The following TOR3A variants were observed in gnomAD, a reference collection of about 807,000 sequenced individuals.
TOR3A encodes the protein torsin-3A.
In TOR3A, 44 loss-of-function variants were observed where a neutral mutation model predicts 42.1. That is an observed-to-expected ratio of 1.04 (90% CI 0.82 to 1.34). TOR3A has a LOEUF of 1.34. TOR3A is among the 40% of genes most tolerant of loss of function. The pLI is 0.00. For synonymous variants in TOR3A, 227 were observed against 213.2 expected, an observed-to-expected ratio of 1.06 and a Z score of -0.57; for missense variants, 521 against 507.6, an observed-to-expected ratio of 1.03 and a Z score of -0.25.
chr1:179,087,865 T>A (rs777226296), intron 3 of TOR3A, 46 bp from the exon 4 acceptor site: 3 of 1,498,770 alleles, frequency 2.0e-6, no homozygotes, highest in Non-Finnish European at 2.7e-6. Context: ...AGGCCGGAGG[T>A]GGAAGGAGTC....
intron 3 of TOR3A, among the ~76,000 whole-genome samples, chr1:179,087,164 A>C (rs2102543232): frequency 6.6e-6 from 1 of 152,348 alleles, no homozygotes; most frequent in African/African-American, 2.4e-5. Context: ...GCTGGCCCTG[A>C]ATAATATATT....
chr1:179,082,598 C>G lies in TOR3A; in HGVS notation c.259+211C>G, dbSNP rs78417185. ...CCCACCCGCGTCCCCTGCGCACCCC[C>G]CTGGCGCCCGGCTTCCCGTCCCCCG... On this transcript the variant is annotated intron_variant, in intron 1 of 5. Coordinates refer to ENST00000367627, the MANE Select transcript of TOR3A (RefSeq NM_022371.4). 40 of 775,612 alleles carry G rather than the reference C, an allele frequency of 5.2e-5. No homozygotes were observed. The East Asian group carries it at 8.6e-4, about 17-fold the overall frequency. The allele number at this position is 775,612 out of a possible 1,614,324, so 48.0% of individuals were successfully genotyped here.
intron 4 of TOR3A, among the ~76,000 whole-genome samples, chr1:179,092,226 C>T (rs1016415532): frequency 2.6e-5 from 4 of 152,194 alleles, no homozygotes; most frequent in African/African-American, 7.2e-5. Context: ...CCCCTCATTT[C>T]CCAGCAGCCC....
chr1:179,082,905 G>C (rs1652332404), intron 1 of TOR3A, 35 bp from the exon 2 acceptor site: 1 of 1,420,328 alleles, frequency 7.0e-7, no homozygotes, highest in Non-Finnish European at 9.7e-7. Context: ...GCACCGGATG[G>C]TCTCCTCTCG....
At position 179,082,335 on chromosome 1, in the gene TOR3A, G is replaced by C. The variant is rs774777332; in HGVS notation, c.207G>C (p.Gln69His). ...SKRYWTLFSCQVWPDDCDEDE... is the reference protein window; with the variant it reads ...SKRYWTLFSCHVWPDDCDEDE... Reference sequence around the variant, plus strand: ...GGTACTGGACGCTCTTCAGCTGCCAGGTGTGGCCCGACGACTGTGACGAGG... The same window carrying C: ...GGTACTGGACGCTCTTCAGCTGCCACGTGTGGCCCGACGACTGTGACGAGG... The change falls in exon 1 of 6, where the codon CAG (glutamine) becomes CAC (histidine). Residue 69 changes from glutamine to histidine, a missense_variant. Physicochemically the swap from Gln to His is conservative, Grantham distance 24 (BLOSUM62 0). Coordinates refer to ENST00000367627, the MANE Select transcript of TOR3A (RefSeq NM_022371.4). 2.5e-6 allele frequency: 4 copies of C among 1,605,608 alleles called. No homozygotes were observed. In the African/African-American group the frequency reaches 4.1e-5, roughly 16 times the overall value.
intron 3 of TOR3A, among the ~76,000 whole-genome samples, 193 bp downstream of exon 3, chr1:179,086,086 C>G (rs1652426088): frequency 6.6e-6 from 1 of 152,216 alleles, no homozygotes; most frequent in Non-Finnish European, 1.5e-5. Context: ...GTTCCAAACA[C>G]CACCCCCTGC....
At chr1:179,085,938 A>C (rs773318736) in intron 3 of TOR3A, 45 bp downstream of exon 3, 1 of 1,589,142 alleles carries the variant, frequency 6.3e-7, no homozygotes, top group Non-Finnish European at 8.6e-7. Flanking sequence ...GCTGGGAGGG[A>C]GACCCTTCTG....
chr1:179,095,858 A>G lies in TOR3A; in HGVS notation c.*640A>G. 4 of 985,616 alleles carry G rather than the reference A, an allele frequency of 4.1e-6. No individual in the cohort carries two copies. The highest frequency in any genetic ancestry group is 4.8e-6 in the Non-Finnish European group (4 of 830,510). 61.1% of individuals were successfully genotyped at this position (985,616 alleles called of 1,614,324 possible). A position where few individuals can be genotyped will look rare whatever the true frequency, so the allele number is the denominator to read the frequency against. ...AGTACACAGAGGAAGATATTTTACA[A>G]ACCAGGTCAGTGTAGGCCAAGACTT... On this transcript the variant is annotated 3_prime_UTR_variant, in exon 6 of 6. Transcript: ENST00000367627.
chr1:179,083,581 CGGG>C (rs78979955), intron 2 of TOR3A, among the ~76,000 whole-genome samples: 10 of 102,648 alleles, frequency 9.7e-5, no homozygotes, highest in East Asian at 3.6e-4. Flanking sequence ...TTAGTAGAGG[CGGG>C]GGGGGGGGGG....
In TOR3A at chr1:179,094,979, G is replaced by C; in HGVS notation, c.955G>C (p.Gly319Arg). 2 of 1,614,068 alleles carry C rather than the reference G, an allele frequency of 1.2e-6. No homozygotes were observed. The highest frequency in any genetic ancestry group is 1.1e-5 in the South Asian group (1 of 91,072). The change falls in exon 6 of 6, where the codon GGC (glycine) becomes CGC (arginine). Residue 319 changes from glycine to arginine, a missense_variant. By Grantham distance (125) the Gly-to-Arg change is moderately radical (BLOSUM62 -2). Transcript: ENST00000367627. ...GGTCTTGCTTTCAGACAATGGCTTT[G>C]GCCACAGCCGTCTTGTGAAGGAAAA... ...EIVETIDNGF[G>R]HSRLVKENLI...
At chr1:179,092,203 G>A (rs1003339397) in intron 4 of TOR3A, among the ~76,000 whole-genome samples, 5 of 152,210 alleles carry the variant, frequency 3.3e-5, no homozygotes, top group Admixed American at 2.0e-4. Flanking sequence ...GGGAGGGAGA[G>A]AACCACACAG....
intron 4 of TOR3A, among the ~76,000 whole-genome samples, chr1:179,090,023 C>T (rs1652536552): frequency 6.6e-6 from 1 of 151,338 alleles, no homozygotes; most frequent in South Asian, 2.1e-4. Context: ...GGCCGTCGAC[C>T]TGACAGCACC....
Position 179,094,192 on chromosome 1 carries a change from C to T in TOR3A, c.918C>T (p.Leu306=). 6.2e-7 allele frequency: 1 copy of T among 1,613,988 alleles called. No individual in the cohort carries two copies. The highest frequency in any genetic ancestry group is 1.1e-5 in the South Asian group (1 of 91,056). ...EITMEHLEPH[L]QAEIVETIDN... Reference sequence around the variant, plus strand: ...CGATGGAACACCTGGAGCCCCACCTCCAGGCGGAGATTGTGGAGACCATAG... The same window carrying T: ...CGATGGAACACCTGGAGCCCCACCTTCAGGCGGAGATTGTGGAGACCATAG... The change falls in exon 5 of 6, where the codon CTC becomes CTT. Residue 306 remains leucine, a synonymous_variant. Transcript: ENST00000367627.
At chr1:179,090,325 C>T (rs1652547602) in intron 4 of TOR3A, among the ~76,000 whole-genome samples, 1 of 152,234 alleles carries the variant, frequency 6.6e-6, no homozygotes, top group East Asian at 1.9e-4. Context: ...AGTCTGTGCC[C>T]AGGCTGTCCA....
chr1:179,086,085 A>G (rs1572573518), intron 3 of TOR3A, among the ~76,000 whole-genome samples, 192 bp downstream of exon 3: 1 of 152,082 alleles, frequency 6.6e-6, no homozygotes, highest in Admixed American at 6.5e-5. Context: ...CGTTCCAAAC[A>G]CCACCCCCTG....
chr1:179,094,335 A>T, intron 5 of TOR3A, 118 bp downstream of exon 5: 1 of 1,298,552 alleles, frequency 7.7e-7, no homozygotes, highest in Non-Finnish European at 1.0e-6. Context: ...AGGGCAGACT[A>T]TAATCATCTC....
chr1:179,088,206 A>C, intron 4 of TOR3A, 117 bp downstream of exon 4: 2 of 1,131,152 alleles, frequency 1.8e-6, no homozygotes, highest in Non-Finnish European at 2.4e-6. Context: ...AACAGCACAA[A>C]CTCTGGTACA....
At chr1:179,086,333 G>A (rs1213701059) in intron 3 of TOR3A, among the ~76,000 whole-genome samples, 2 of 152,158 alleles carry the variant, frequency 1.3e-5, no homozygotes, top group African/African-American at 4.8e-5. Context: ...TTGTAACTAC[G>A]TTGGACAGAA....
chr1:179,093,029 G>C (rs371480121), intron 4 of TOR3A, among the ~76,000 whole-genome samples: 1 of 152,184 alleles, frequency 6.6e-6, no homozygotes, highest in African/African-American at 2.4e-5. Flanking sequence ...ACGGGGAAGT[G>C]CAAGTGCATT....
Sources: allele counts gnomAD v4.1 joint callset (sites outside exome capture counted in the v4.1 genomes callset), GRCh38; gene constraint gnomAD v4.1.1; transcripts MANE v1.5; gene names NCBI Gene and HGNC (gene_info 2026-07-23, HGNC 2026-07-21).